The following DMRT3 variants were observed in gnomAD, a reference collection of about 807,000 sequenced individuals.
The protein encoded by DMRT3 is doublesex and mab-3 related transcription factor 3.
DMRT3 carries 29 observed loss-of-function variants against 34.9 expected under a neutral mutation model. The ratio of observed to expected loss-of-function variants is 0.83; its 90% CI spans 0.62 to 1.13. The LOEUF (loss-of-function observed/expected upper bound fraction) is 1.13, where lower values mean the gene tolerates loss of function less well. Ranked by LOEUF, DMRT3 falls within the 50% of genes most tolerant of loss-of-function variation. The pLI is 0.00. For synonymous variants in DMRT3, 350 were observed against 286.0 expected (o/e 1.22, Z -2.26); for missense variants, 772 against 629.1 (o/e 1.23, Z -2.43).
chr9:976,854 C>T lies in DMRT3; in HGVS notation c.-148C>T. 1.2e-6 allele frequency: 1 copy of T among 806,444 alleles called. No individual in the cohort carries two copies. Among genetic ancestry groups the T allele is most frequent in the South Asian group, 3.4e-5 (1 of 29,222 alleles). 50.0% of individuals were successfully genotyped at this position (806,444 alleles called of 1,614,324 possible). A position where few individuals can be genotyped will look rare whatever the true frequency, so the allele number is the denominator to read the frequency against. ...GAGACGACTGCGGCACCTCCGGCCG[C>T]CCCGGAGCACACACGACCACCGGGG... is the stretch of plus-strand genomic sequence containing the variant. On this transcript the variant is annotated 5_prime_UTR_variant, in exon 1 of 2. Transcript: ENST00000190165. This position sits in a 1 kb window ranked among gnomAD's most constrained non-coding sequence, Gnocchi z 4.5.
At chr9:985,695 C>T (rs1354125355) in intron 1 of DMRT3, among the ~76,000 whole-genome samples, 2 of 152,342 alleles carry the variant, frequency 1.3e-5, no homozygotes, top group South Asian at 2.1e-4. Context: ...TCCTGCCCTT[C>T]AGAAATTATT....
At chr9:978,799 T>G (rs1820182267) in intron 1 of DMRT3, among the ~76,000 whole-genome samples, 2 of 152,228 alleles carry the variant, frequency 1.3e-5, no homozygotes, top group Admixed American at 1.3e-4. Flanking sequence ...GAACTTGGAT[T>G]TTGTGGATAT....
intron 1 of DMRT3, among the ~76,000 whole-genome samples, chr9:984,458 C>CTT (rs541965005): frequency 0.012 from 1,815 of 147,248 alleles, 46 homozygotes; most frequent in East Asian, 0.1. Context: ...AGATTTTTCA[C>CTT]ATTTTTTTTT....
At chr9:979,116 T>C (rs1035300503) in intron 1 of DMRT3, among the ~76,000 whole-genome samples, 6 of 152,212 alleles carry the variant, frequency 3.9e-5, no homozygotes, top group African/African-American at 1.4e-4. Context: ...GCAGCACTCC[T>C]GTGATCGGGC....
Position 990,416 on chromosome 9 carries a change from A to T in DMRT3, c.830A>T (p.Asp277Val). The T allele has an allele frequency of 2.5e-6, 4 of 1,613,904 alleles. No individual in the cohort carries two copies. In the South Asian group the frequency reaches 4.4e-5, roughly 18 times the overall value. ...LELILKGCGG[D>V]LVSAVEVLLS... ...CTCATCCTCAAGGGCTGTGGCGGGGACCTGGTGAGCGCCGTGGAAGTCCTT... is the reference window on the plus strand; with the variant it reads ...CTCATCCTCAAGGGCTGTGGCGGGGTCCTGGTGAGCGCCGTGGAAGTCCTT... Residue 277 changes from aspartate (D) to valine (V), a missense_variant, in exon 2 of 2, where the codon GAC (aspartate) becomes GTC (valine). Transcript: ENST00000190165.
At chr9:982,282 C>T (rs1820230683) in intron 1 of DMRT3, among the ~76,000 whole-genome samples, 1 of 152,206 alleles carries the variant, frequency 6.6e-6, no homozygotes. Flanking sequence ...TGGGGTCCAT[C>T]CTGTGGATCT....
At chr9:989,517 G>C (rs1029070961) in intron 1 of DMRT3, among the ~76,000 whole-genome samples, 1 of 152,160 alleles carries the variant, frequency 6.6e-6, no homozygotes, top group African/African-American at 2.4e-5. Flanking sequence ...TTACTGATTG[G>C]TTCATAAGAC....
intron 1 of DMRT3, among the ~76,000 whole-genome samples, chr9:985,659 C>T (rs546778571): frequency 5.3e-5 from 8 of 152,178 alleles, no homozygotes; most frequent in South Asian, 2.1e-4. Context: ...GACACCATAG[C>T]GCCACAAAAT....
Position 990,060 on chromosome 9 carries a change from TGGAG to T in DMRT3, c.475_478del (p.Gly159ThrfsTer38), listed in dbSNP as rs1327680736. The T allele has an allele frequency of 3.1e-6, 5 of 1,613,590 alleles. No individual in the cohort carries two copies. In the South Asian group the frequency reaches 5.5e-5, roughly 18 times the overall value. On this transcript the variant is annotated frameshift_variant, in exon 2 of 2. Transcript: ENST00000190165. LOFTEE classifies it high-confidence loss of function. Reference sequence around the variant, plus strand: ...TTCCAGATTTGACTGAAGAACGACTTGGAGACGGCAAGTCGGCAGACAATACAGA... The same window carrying T: ...TTCCAGATTTGACTGAAGAACGACTTACGGCAAGTCGGCAGACAATACAGA...
intron 1 of DMRT3, among the ~76,000 whole-genome samples, chr9:979,904 T>C (rs1820196454): frequency 6.6e-6 from 1 of 152,226 alleles, no homozygotes; most frequent in South Asian, 2.1e-4. Flanking sequence ...CAAAACTAAG[T>C]GCAGAGAGTA....
In DMRT3 at chr9:977,049, G is replaced by T. The variant is rs1275457896; in HGVS notation, c.48G>T (p.Ser16=). The T allele has an allele frequency of 6.4e-7, 1 of 1,567,212 alleles. No homozygotes were observed. Among genetic ancestry groups the T allele is most frequent in the East Asian group, 2.4e-5 (1 of 41,972 alleles). The change falls in exon 1 of 2, where the codon TCG becomes TCT. Residue 16 remains serine, a synonymous_variant. Coordinates refer to ENST00000190165, the MANE Select transcript of DMRT3 (RefSeq NM_021240.4). ...SPYLYMGGPV[S]QPPRAPLQRT... ...ACCTGTACATGGGCGGCCCGGTGTC[G>T]CAGCCGCCACGGGCGCCCCTGCAGC...
rs180746931 is a variant in DMRT3, at chr9:991,038, T to C, written c.*33T>C. On this transcript the variant is annotated 3_prime_UTR_variant, in exon 2 of 2. Transcript: ENST00000190165. Reference sequence around the variant, plus strand: ...CTGGATGGGTGGTGGCCAGGTGACATTTTCTGTGCGTTTTGACCCTGAGGC... The same window carrying C: ...CTGGATGGGTGGTGGCCAGGTGACACTTTCTGTGCGTTTTGACCCTGAGGC... 396 of 1,577,148 alleles carry C rather than the reference T, an allele frequency of 2.5e-4. 1 individual carries two copies. The African/African-American group carries it at 4.6e-3, about 18-fold the overall frequency.
chr9:991,139 T>C lies in DMRT3; in HGVS notation c.*134T>C, dbSNP rs1820359695. On this transcript the variant is annotated 3_prime_UTR_variant, in exon 2 of 2. Transcript: ENST00000190165. ...AGTGACTGTGCTTGATTCTATACATTAGCAATAAAAACATAACTTATTTAA... is the reference window on the plus strand; with the variant it reads ...AGTGACTGTGCTTGATTCTATACATCAGCAATAAAAACATAACTTATTTAA... 7 of 1,198,966 alleles carry C rather than the reference T, an allele frequency of 5.8e-6. No individual in the cohort carries two copies. In the South Asian group the frequency reaches 9.2e-5, roughly 16 times the overall value. The allele number at this position is 1,198,966 out of a possible 1,614,324, so 74.3% of individuals were successfully genotyped here. A position where few individuals can be genotyped will look rare whatever the true frequency, so the allele number is the denominator to read the frequency against.
intron 1 of DMRT3, among the ~76,000 whole-genome samples, chr9:985,702 T>C (rs769397224): frequency 2.6e-5 from 4 of 152,210 alleles, no homozygotes; most frequent in Admixed American, 6.5e-5. Context: ...CTTCAGAAAT[T>C]ATTGTTTGGT....
At chr9:989,962 T>C in intron 1 of DMRT3, 79 bp from the exon 2 acceptor site, 1 of 1,538,730 alleles carries the variant, frequency 6.5e-7, no homozygotes, top group Non-Finnish European at 8.7e-7. Flanking sequence ...AAAAAGCACG[T>C]GTACAGGTCT....
chr9:990,882 C>A lies in DMRT3; in HGVS notation c.1296C>A (p.Asp432Glu). Residue 432 changes from aspartate (D) to glutamate (E), a missense_variant, in exon 2 of 2, where the codon GAC becomes GAA. Physicochemically the swap from Asp to Glu is conservative, Grantham distance 45. Coordinates refer to ENST00000190165, the MANE Select transcript of DMRT3 (RefSeq NM_021240.4). The part of the protein sequence containing the change: ...SPVLPARATE[D>E]PRISIPDDGC... ...TCCTTCCTGCCCGCGCCACGGAAGA[C>A]CCTCGGATTTCCATCCCTGATGATG... is the stretch of plus-strand genomic sequence containing the variant. 6.2e-7 allele frequency: 1 copy of A among 1,614,166 alleles called. No individual in the cohort carries two copies. The highest frequency in any genetic ancestry group is 8.5e-7 in the Non-Finnish European group (1 of 1,180,036).
chr9:990,469 G>GTCGCTCTGCTC lies in DMRT3; in HGVS notation c.883_884insTCGCTCTGCTC (p.Ala295ValfsTer15), dbSNP rs1820343672. 6.2e-7 allele frequency: 1 copy of GTCGCTCTGCTC among 1,614,090 alleles called. No individual in the cohort carries two copies. Among genetic ancestry groups the GTCGCTCTGCTC allele is most frequent in the African/African-American group, 1.3e-5 (1 of 74,942 alleles). ...GTCCAGCCGATCCTCAGTCACGGGA[G>GTCGCTCTGCTC]CAGAGCGAACTTCCGCAGAACCTGA... On this transcript the variant is annotated frameshift_variant, in exon 2 of 2. Coordinates refer to ENST00000190165, the MANE Select transcript of DMRT3 (RefSeq NM_021240.4). LOFTEE classifies it high-confidence loss of function.
At chr9:985,324 T>C (rs1268238390) in intron 1 of DMRT3, among the ~76,000 whole-genome samples, 1 of 152,224 alleles carries the variant, frequency 6.6e-6, no homozygotes, top group South Asian at 2.1e-4. Context: ...TCAGTTGATA[T>C]ACACTCTTAA....
rs141359318 is a variant in DMRT3, at chr9:989,139, T to C, written c.455-902T>C. ...TAATATAAAAAGGTATCTTCAAATT[T>C]CACTGGCTTTAAAAAAAGGTATCTT... On this transcript the variant is annotated intron_variant, in intron 1 of 1. Coordinates refer to ENST00000190165, the MANE Select transcript of DMRT3 (RefSeq NM_021240.4). Among the ~76,000 whole-genome samples, 954 of 152,354 alleles carry C rather than the reference T, an allele frequency of 6.3e-3. 16 individuals carry two copies. Among genetic ancestry groups the C allele is most frequent in the African/African-American group, 0.022 (927 of 41,586 alleles).
Sources: gnomAD v4.1 joint callset for allele counts (sites outside exome capture counted in the v4.1 genomes callset) on GRCh38, gnomAD v4.1.1 for gene constraint, Gnocchi (gnomAD v3.1) non-coding constraint, MANE v1.5 for transcripts, NCBI Gene and HGNC (gene_info 2026-07-23, HGNC 2026-07-21) for gene names.